The following RALGAPA2 variants were observed in gnomAD, a reference collection of about 807,000 sequenced individuals.
RALGAPA2 encodes ral GTPase-activating protein subunit alpha-2.
RALGAPA2 carries 139 observed loss-of-function variants against 230.4 expected under a neutral mutation model. The observed-to-expected ratio is 0.60, with a 90% CI of 0.53 to 0.69. RALGAPA2 has a LOEUF of 0.69. Ranked by LOEUF, RALGAPA2 falls within the 30% of genes least tolerant of loss-of-function variation. RALGAPA2 has a pLI of 0.00. For synonymous variants in RALGAPA2, 847 were observed against 837.8 expected (o/e 1.01, Z -0.19); for missense variants, 2,163 against 2,276.0 (o/e 0.95, Z 1.01).
intron 16 of RALGAPA2, among the ~76,000 whole-genome samples, chr20:20,597,676 T>TA (rs910331145): frequency 5.9e-5 from 9 of 151,910 alleles, no homozygotes; most frequent in Non-Finnish European, 8.8e-5. Context: ...TCATCTCTAC[T>TA]AAAAATACAA....
chr20:20,605,766 C>T (rs1156510250), intron 14 of RALGAPA2, among the ~76,000 whole-genome samples: 1 of 152,154 alleles, frequency 6.6e-6, no homozygotes, highest in Non-Finnish European at 1.5e-5. Context: ...AAACCTCCTA[C>T]AGGAAAACCG....
chr20:20,643,199 T>C (rs2067100881), intron 5 of RALGAPA2, among the ~76,000 whole-genome samples: 2 of 152,184 alleles, frequency 1.3e-5, no homozygotes, highest in African/African-American at 4.8e-5. Context: ...CTTTTTCTGA[T>C]GATAAAACTG....
intron 33 of RALGAPA2, among the ~76,000 whole-genome samples, chr20:20,510,382 A>G (rs74653942): frequency 0.017 from 2,606 of 152,296 alleles, 98 homozygotes; most frequent in East Asian, 0.15. Flanking sequence ...AGATTTGAAA[A>G]TTTTTGAGTT....
intron 36 of RALGAPA2, among the ~76,000 whole-genome samples, chr20:20,474,722 G>A (rs2061613447): frequency 6.6e-6 from 1 of 152,206 alleles, no homozygotes; most frequent in African/African-American, 2.4e-5. Flanking sequence ...CTGAAATGGA[G>A]AAGACTGAGA....
intron 3 of RALGAPA2, among the ~76,000 whole-genome samples, chr20:20,659,452 A>C (rs1353938038): frequency 6.6e-6 from 1 of 152,242 alleles, no homozygotes; most frequent in Non-Finnish European, 1.5e-5. Context: ...TTATTCTAGA[A>C]CTGAAAGTCC....
chr20:20,621,608 G>C (rs766467183), intron 10 of RALGAPA2, among the ~76,000 whole-genome samples: 1 of 151,838 alleles, frequency 6.6e-6, no homozygotes, highest in East Asian at 1.9e-4. Context: ...ATGTTAACAA[G>C]AGCCTCTGGC....
At position 20,605,379 on chromosome 20, in the gene RALGAPA2, A is replaced by G. The variant is rs747043161; in HGVS notation, c.1834T>C (p.Cys612Arg). The change falls in exon 15 of 40, where the codon TGT becomes CGT. Residue 612 changes from cysteine (C) to arginine (R), a missense_variant. Transcript: ENST00000202677. ...CAGAGCTCTCGAGAAATGTACACAC[A>G]GAGGTTTGCTCGGATCCAAGCTACC... ...LMVAWIRANL[C>R]VYISRELWDD... is the part of the protein sequence containing the mutation. 2 of 1,613,884 alleles carry G rather than the reference A, an allele frequency of 1.2e-6. No homozygotes were observed. Among genetic ancestry groups the G allele is most frequent in the Non-Finnish European group, 1.7e-6 (2 of 1,179,814 alleles).
intron 16 of RALGAPA2, among the ~76,000 whole-genome samples, chr20:20,601,008 G>A (rs2065627528): frequency 6.6e-6 from 1 of 152,070 alleles, no homozygotes; most frequent in African/African-American, 2.4e-5. Context: ...GCTGAGGCAG[G>A]AAAATTGCTT....
chr20:20,694,730 G>A (rs1367356369), intron 1 of RALGAPA2, among the ~76,000 whole-genome samples: 1 of 152,188 alleles, frequency 6.6e-6, no homozygotes, highest in African/African-American at 2.4e-5. Context: ...GTTAGACCAT[G>A]CAGATGACTA....
chr20:20,680,665 TA>T (rs200835533), intron 2 of RALGAPA2, 25 bp downstream of exon 2: 22 of 1,497,020 alleles, frequency 1.5e-5, no homozygotes, highest in Admixed American at 5.7e-5. Context: ...GAATGTTTTT[TA>T]AAAAAAAACT....
chr20:20,580,155 C>A (rs527947043), intron 20 of RALGAPA2, among the ~76,000 whole-genome samples: 1 of 152,242 alleles, frequency 6.6e-6, no homozygotes, highest in African/African-American at 2.4e-5. Context: ...TGATTCTTAG[C>A]TGTAGACTCA....
chr20:20,513,947 T>G (rs571678135), intron 31 of RALGAPA2, among the ~76,000 whole-genome samples: 1 of 152,304 alleles, frequency 6.6e-6, no homozygotes, highest in East Asian at 1.9e-4. Context: ...AGGGCCAGCT[T>G]GGCAACACAG....
At chr20:20,463,129 C>CTT (rs11479561) in intron 37 of RALGAPA2, among the ~76,000 whole-genome samples, 4 of 138,192 alleles carry the variant, frequency 2.9e-5, no homozygotes, top group African/African-American at 8.0e-5. Context: ...AAAACCCTGA[C>CTT]TTTTTTTTTT....
intron 23 of RALGAPA2, among the ~76,000 whole-genome samples, chr20:20,565,436 C>T (rs893688551): frequency 7.2e-5 from 11 of 152,124 alleles, no homozygotes; most frequent in African/African-American, 2.7e-4. Flanking sequence ...AAGTATCACC[C>T]CTGCACCTTG....
intron 28 of RALGAPA2, among the ~76,000 whole-genome samples, chr20:20,525,624 C>T (rs1038062604): frequency 1.3e-5 from 2 of 152,148 alleles, no homozygotes; most frequent in African/African-American, 2.4e-5. Context: ...TAAAGTGCAG[C>T]TACAAAAATC....
intron 17 of RALGAPA2, among the ~76,000 whole-genome samples, chr20:20,589,574 G>A (rs2065227216): frequency 6.6e-6 from 1 of 152,122 alleles, no homozygotes; most frequent in Admixed American, 6.5e-5. Context: ...TCTGAAGAGA[G>A]TGGATTGATT....
At chr20:20,414,349 G>A (rs989395844) in intron 37 of RALGAPA2, among the ~76,000 whole-genome samples, 7 of 152,278 alleles carry the variant, frequency 4.6e-5, no homozygotes, top group African/African-American at 1.2e-4. Context: ...GCCCCACTGC[G>A]TCCAACACAT....
intron 8 of RALGAPA2, among the ~76,000 whole-genome samples, chr20:20,636,924 T>A (rs573132811): frequency 6.6e-6 from 1 of 152,152 alleles, no homozygotes; most frequent in Non-Finnish European, 1.5e-5. Context: ...CTGTCAGTAG[T>A]AGCTGCTGGA....
At chr20:20,618,715 A>C (rs573728435) in intron 12 of RALGAPA2, among the ~76,000 whole-genome samples, 1 of 152,328 alleles carries the variant, frequency 6.6e-6, no homozygotes, top group East Asian at 1.9e-4. Context: ...ATCTGAGAGG[A>C]AATCTCCCAA....
Sources: allele counts gnomAD v4.1 joint callset (sites outside exome capture counted in the v4.1 genomes callset), GRCh38; gene constraint gnomAD v4.1.1; transcripts MANE v1.5; gene names NCBI Gene and HGNC (gene_info 2026-07-23, HGNC 2026-07-21).